The following LRRC23 variants were observed in gnomAD, a reference collection of about 807,000 sequenced individuals.
LRRC23 encodes leucine rich repeat containing 23, also known as leucine-rich repeat-containing protein 23.
A neutral mutation model predicts 37.7 loss-of-function variants in LRRC23; 28 were observed. That is an observed-to-expected ratio of 0.74 (90% confidence interval 0.55 to 1.02). The LOEUF (loss-of-function observed/expected upper bound fraction) is 1.02, where lower values mean the gene tolerates loss of function less well. Among genes scored for constraint, LRRC23 ranks in the 50% least tolerant of loss-of-function variants. LRRC23 has a pLI of 0.00. For missense variants in LRRC23, 377 were observed against 413.2 expected (o/e 0.91, Z 0.76); for synonymous variants, 161 against 165.4 (o/e 0.97, Z 0.20).
chr12:6,907,768 AC>A (rs1944984761), intron 5 of LRRC23: 1 of 546,240 alleles, frequency 1.8e-6, no homozygotes. Flanking sequence ...TTCAGCTCTT[AC>A]ACTACCACCA....
rs367628573 is a variant in LRRC23 at position 6,905,638 on chromosome 12, C to T, written c.5C>T (p.Ser2Leu). The change falls in exon 2 of 8, where the codon TCA becomes TTA. Residue 2 changes from serine to leucine, a missense_variant. Ser to Leu is a moderately radical substitution (Grantham distance 145). Coordinates refer to ENST00000443597, the MANE Select transcript of LRRC23 (RefSeq NM_001135217.2). Reference sequence around the variant, plus strand: ...AGCTTTCAGGAGGGAAGAAAGATGTCAGATGAAGATGATCTAGAAGACTCT... The same window carrying T: ...AGCTTTCAGGAGGGAAGAAAGATGTTAGATGAAGATGATCTAGAAGACTCT... M[S>L]DEDDLEDSEP... is the part of the protein sequence containing the mutation. The T allele has an allele frequency of 1.2e-6, 2 of 1,613,360 alleles. No individual in the cohort carries two copies. The highest frequency in any genetic ancestry group is 2.7e-5 in the African/African-American group (2 of 74,730).
intron 4 of LRRC23, 123 bp downstream of exon 4, chr12:6,906,785 G>C (rs1316496025): frequency 9.4e-7 from 1 of 1,060,452 alleles, no homozygotes; most frequent in Non-Finnish European, 1.4e-6. Flanking sequence ...ATTCAGATAC[G>C]CAATATGATT....
chr12:6,911,492 A>G (rs1555140737), intron 6 of LRRC23, among the ~76,000 whole-genome samples: 1 of 147,096 alleles, frequency 6.8e-6, no homozygotes, highest in East Asian at 2.0e-4. Context: ...GGATGTTTTG[A>G]GAGTAAGTCG....
chr12:6,910,224 C>T (rs1400366149), intron 6 of LRRC23, among the ~76,000 whole-genome samples, 198 bp downstream of exon 6: 1 of 152,132 alleles, frequency 6.6e-6, no homozygotes, highest in African/African-American at 2.4e-5. Context: ...AATTTTTATT[C>T]ATTCAATCCA....
intron 6 of LRRC23, among the ~76,000 whole-genome samples, chr12:6,911,201 C>T (rs1455466402): frequency 6.6e-5 from 10 of 152,132 alleles, no homozygotes; most frequent in Admixed American, 3.3e-4. Context: ...CAACTCTTGT[C>T]GGATGGAGGA....
At chr12:6,907,597 A>C (rs1467692328) in intron 5 of LRRC23, 152 bp downstream of exon 5, 1 of 789,666 alleles carries the variant, frequency 1.3e-6, no homozygotes, top group Non-Finnish European at 2.2e-6. Context: ...GATGCTGTGG[A>C]GATACACAGC....
At chr12:6,913,185 A>G (rs937605013) in intron 7 of LRRC23, 158 bp downstream of exon 7, 29 of 685,344 alleles carry the variant, frequency 4.2e-5, no homozygotes, top group Non-Finnish European at 6.2e-5. Context: ...GGGAGAGGAA[A>G]AGGGACCCAA....
At chr12:6,905,488 G>T in intron 1 of LRRC23, 97 bp from the exon 2 acceptor site, 2 of 716,072 alleles carry the variant, frequency 2.8e-6, no homozygotes, top group African/African-American at 1.8e-5. Context: ...GCCTAGAGTT[G>T]GTGGGTCAGA....
chr12:6,909,238 A>G (rs868951072), intron 5 of LRRC23, among the ~76,000 whole-genome samples: 1 of 20,954 alleles, frequency 4.8e-5, no homozygotes, highest in Non-Finnish European at 6.3e-5. Flanking sequence ...GATATAATAT[A>G]TAATTATATA....
intron 3 of LRRC23, 131 bp from the exon 4 acceptor site, chr12:6,906,278 C>A: frequency 1.1e-6 from 1 of 882,158 alleles, no homozygotes; most frequent in Non-Finnish European, 1.8e-6. Context: ...TTCTTCTCCC[C>A]TACCATCTGT....
chr12:6,906,370 A>G, intron 3 of LRRC23, 39 bp from the exon 4 acceptor site: 1 of 1,600,714 alleles, frequency 6.2e-7, no homozygotes, highest in Non-Finnish European at 8.5e-7. Context: ...TGGGTGCTTA[A>G]CCCTAAACCT....
At chr12:6,907,221 C>A in intron 4 of LRRC23, 94 bp from the exon 5 acceptor site, 1 of 1,468,944 alleles carries the variant, frequency 6.8e-7, no homozygotes. Context: ...CCCTGCTTTG[C>A]GAATGGTAGG....
rs896909014 is a variant in LRRC23 at position 6,909,532 on chromosome 12, T to A, written c.622-358T>A. Among the ~76,000 whole-genome samples, 3 of 121,360 alleles carry A rather than the reference T, an allele frequency of 2.5e-5. No homozygotes were observed. The Admixed American group carries it at 3.2e-4, about 13-fold the overall frequency. 79.6% of individuals were successfully genotyped at this position (121,360 alleles called of 152,430 possible). ...ATATAATAACTCCACAGGAAGCCAC[T>A]GAAATATTTAGTCTTTTAGACTCTT... On this transcript the variant is annotated intron_variant, in intron 5 of 7. Transcript: ENST00000443597.
chr12:6,909,608 G>C (rs1351655765), intron 5 of LRRC23, among the ~76,000 whole-genome samples: 2 of 145,314 alleles, frequency 1.4e-5, no homozygotes, highest in East Asian at 3.9e-4. Flanking sequence ...GTGGTGGCCT[G>C]GGGGCTCCTG....
In LRRC23 at chr12:6,913,476, T is replaced by A. The variant is rs782368922; in HGVS notation, c.*25-415T>A. On this transcript the variant is annotated intron_variant, in intron 7 of 7. Transcript: ENST00000443597. Reference sequence around the variant, plus strand: ...GATGGGGGAAGAAAAGAGGGCAGAGTGAGGCAAAAAGAGACTGAAGAGATG... The same window carrying A: ...GATGGGGGAAGAAAAGAGGGCAGAGAGAGGCAAAAAGAGACTGAAGAGATG... Among the ~76,000 whole-genome samples the A allele has an allele frequency of 3.5e-5, 5 of 141,580 alleles. No homozygotes were observed. The East Asian group carries it at 1.0e-3, about 30-fold the overall frequency. The allele number at this position is 141,580 out of a possible 152,430, so 92.9% of individuals were successfully genotyped here.
At chr12:6,905,374 G>C (rs1469870092) in intron 1 of LRRC23, 3 of 369,168 alleles carry the variant, frequency 8.1e-6, no homozygotes, top group Non-Finnish European at 1.6e-5. Context: ...GACAGGAAAG[G>C]CCTGGGGGTG....
At chr12:6,911,898 G>A (rs1297069809) in intron 6 of LRRC23, among the ~76,000 whole-genome samples, 1 of 152,062 alleles carries the variant, frequency 6.6e-6, no homozygotes, top group African/African-American at 2.4e-5. Context: ...AGGTACTTAG[G>A]AAGCTAAGGT....
intron 4 of LRRC23, chr12:6,906,864 A>T (rs2138140783): frequency 3.3e-6 from 2 of 602,640 alleles, no homozygotes; most frequent in East Asian, 2.9e-5. Flanking sequence ...ATTCTCATAT[A>T]GCTTATATTC....
chr12:6,907,207 T>G, intron 4 of LRRC23, 108 bp from the exon 5 acceptor site: 1 of 1,352,770 alleles, frequency 7.4e-7, no homozygotes, highest in South Asian at 1.3e-5. Flanking sequence ...TTCCTCAGTA[T>G]CTACCCTGCT....
Sources: gnomAD v4.1 joint callset for allele counts (sites outside exome capture counted in the v4.1 genomes callset) on GRCh38, gnomAD v4.1.1 for gene constraint, MANE v1.5 for transcripts, NCBI Gene and HGNC (gene_info 2026-07-23, HGNC 2026-07-21) for gene names.